Variants in LPIN1 observed in about 807,000 individuals in gnomAD.
LPIN1 encodes phosphatidate phosphatase LPIN1.
LPIN1 carries 71 observed loss-of-function variants against 107.5 expected under a neutral mutation model. The ratio of observed to expected loss-of-function variants is 0.66; its 90% confidence interval spans 0.55 to 0.80. The LOEUF is 0.80. LPIN1 is among the 30% of genes least tolerant of loss of function. LPIN1 has a pLI of 0.00. For synonymous variants in LPIN1, 445 were observed against 452.6 expected (o/e 0.98, Z 0.21); for missense variants, 1,043 against 1,160.6 (o/e 0.90, Z 1.47).
At chr2:11,706,644 G>A (rs1450856664) in intron 1 of LPIN1, among the ~76,000 whole-genome samples, 3 of 152,172 alleles carry the variant, frequency 2.0e-5, no homozygotes, top group South Asian at 2.1e-4. Context: ...TCAAGACCAA[G>A]CATTATTAAA....
At position 11,686,610 on chromosome 2, in the gene LPIN1, C is replaced by T. The variant is rs888493025; in HGVS notation, c.81+8882C>T. ...ACAGGAACAGGGTGGGTAGCCATGG[C>T]CTGGGCACCACGGGCAGAGCACACA... On this transcript the variant is annotated intron_variant, in intron 1 of 21. Coordinates refer to the LPIN1 transcript ENST00000449576. Among the ~76,000 whole-genome samples the T allele has an allele frequency of 3.3e-5, 5 of 152,188 alleles. No individual in the cohort carries two copies. The East Asian group carries it at 5.8e-4, about 18-fold the overall frequency.
At chr2:11,756,453 A>C (rs899930284) in intron 1 of LPIN1, among the ~76,000 whole-genome samples, 1 of 152,030 alleles carries the variant, frequency 6.6e-6, no homozygotes, top group Admixed American at 6.6e-5. Flanking sequence ...CAATGACGTG[A>C]TCTCAGCCCA....
At chr2:11,819,684 T>A (rs1388223292) in intron 19 of LPIN1, 86 bp downstream of exon 19, 1 of 979,484 alleles carries the variant, frequency 1.0e-6, no homozygotes, top group Non-Finnish European at 1.7e-6. Flanking sequence ...CCGAGAACCA[T>A]ATGTAGAGTC....
At chr2:11,815,983 T>C (rs924086597) in intron 18 of LPIN1, among the ~76,000 whole-genome samples, 1 of 152,200 alleles carries the variant, frequency 6.6e-6, no homozygotes, top group Non-Finnish European at 1.5e-5. Context: ...CCATAGGACA[T>C]TGGTCCCTGC....
rs756630845 is a variant in LPIN1, at chr2:11,824,720, A to G, written c.2710A>G (p.Ser904Gly). Residue 904 changes from serine (S) to glycine (G), a missense_variant, in exon 21 of 21, where the codon AGT (serine) becomes GGT (glycine). Ser to Gly is a moderately conservative substitution (Grantham distance 56). Transcript: ENST00000674199. ...AGACTTTCCCTGTTCGGATACCTTC[A>G]GTAACTTCACCTTTTGGAGAGAGCC... is the stretch of plus-strand genomic sequence containing the variant. ...SSDFPCSDTFSNFTFWREPLP... is the reference protein window; with the variant it reads ...SSDFPCSDTFGNFTFWREPLP... 2 of 1,614,212 alleles carry G rather than the reference A, an allele frequency of 1.2e-6. No homozygotes were observed. Among genetic ancestry groups the G allele is most frequent in the Admixed American group, 3.3e-5 (2 of 60,024 alleles).
At chr2:11,812,167 G>A (rs1679780702) in intron 17 of LPIN1, among the ~76,000 whole-genome samples, 1 of 152,128 alleles carries the variant, frequency 6.6e-6, no homozygotes, top group African/African-American at 2.4e-5. Context: ...AATATTCATG[G>A]TAGAACAATA....
intron 1 of LPIN1, among the ~76,000 whole-genome samples, chr2:11,728,373 T>A (rs917387846): frequency 2.6e-5 from 4 of 152,158 alleles, no homozygotes; most frequent in African/African-American, 9.7e-5. Flanking sequence ...TCCTCTATCT[T>A]ACTACTTGTT....
intron 1 of LPIN1, chr2:11,763,375 GGA>G (rs1192352905): frequency 3.3e-5 from 5 of 153,170 alleles, no homozygotes; most frequent in African/African-American, 1.2e-4. Context: ...CGGGCAGAGT[GGA>G]CAGTGATGTG....
At chr2:11,773,161 G>A (rs1672128026) in intron 4 of LPIN1, among the ~76,000 whole-genome samples, 1 of 152,190 alleles carries the variant, frequency 6.6e-6, no homozygotes, top group Non-Finnish European at 1.5e-5. Context: ...GGCATGTTTG[G>A]TTGATGCCAT....
chr2:11,795,655 A>T (rs541232172), intron 14 of LPIN1, among the ~76,000 whole-genome samples, 168 bp downstream of exon 14: 112 of 152,356 alleles, frequency 7.4e-4, no homozygotes, highest in African/African-American at 2.3e-3. Flanking sequence ...CATGAGCAAA[A>T]TGCATGCAGT....
At chr2:11,678,039 G>GTT (rs1226878043) in intron 1 of LPIN1, among the ~76,000 whole-genome samples, 1 of 152,210 alleles carries the variant, frequency 6.6e-6, no homozygotes, top group African/African-American at 2.4e-5. Flanking sequence ...TCAGAGCTTC[G>GTT]TGAGTGCCTC....
chr2:11,719,721 A>G (rs1663991908), upstream of LPIN1, among the ~76,000 whole-genome samples: 1 of 151,338 alleles, frequency 6.6e-6, no homozygotes, highest in East Asian at 1.9e-4. Flanking sequence ...GCTCTTACGC[A>G]GGTGCCCCTT....
rs1674181376 is a variant in LPIN1 at position 11,784,658 on chromosome 2, A to AGG, written c.1359-224_1359-223dup. On this transcript the variant is annotated intron_variant, in intron 9 of 20. Transcript: ENST00000674199. ...GCTTGCTTCTTCTTCAGTATATTTT[A>AGG]GGGGGATACAGGGAGATGCAGCCAG... is the stretch of plus-strand genomic sequence containing the variant. 3 of 611,540 alleles carry AGG rather than the reference A, an allele frequency of 4.9e-6. No homozygotes were observed. The South Asian group carries it at 5.6e-5, about 11-fold the overall frequency. The allele number at this position is 611,540 out of a possible 1,614,324, so 37.9% of individuals were successfully genotyped here.
At chr2:11,793,057 C>T (rs577136864) in intron 13 of LPIN1, among the ~76,000 whole-genome samples, 2 of 152,334 alleles carry the variant, frequency 1.3e-5, no homozygotes, top group Admixed American at 1.3e-4. Flanking sequence ...TCCACATCCA[C>T]TTATCAAGTA....
chr2:11,704,042 C>G (rs909750110), intron 1 of LPIN1, among the ~76,000 whole-genome samples: 1 of 152,210 alleles, frequency 6.6e-6, no homozygotes, highest in Non-Finnish European at 1.5e-5. Context: ...ATTCAGCACA[C>G]AAAGCCTCTC....
intron 2 of LPIN1, among the ~76,000 whole-genome samples, chr2:11,714,170 C>T (rs764213180): frequency 1.3e-5 from 2 of 152,214 alleles, no homozygotes; most frequent in Non-Finnish European, 2.9e-5. Flanking sequence ...CTTTACTGGA[C>T]GATCCTTACC....
At chr2:11,693,319 G>A (rs1283637094) in intron 1 of LPIN1, among the ~76,000 whole-genome samples, 2 of 151,748 alleles carry the variant, frequency 1.3e-5, no homozygotes, top group South Asian at 2.1e-4. Flanking sequence ...GCCAGGCTTG[G>A]GAAACACTGA....
In LPIN1 at chr2:11,773,726, G is replaced by C. The variant is rs1382134422; in HGVS notation, c.703G>C (p.Glu235Gln). ...AGCCTCATACCCTAATTCGGATAGAGAGTGGTCACCCACTCCCAGGTAAGC... is the reference window on the plus strand; with the variant it reads ...AGCCTCATACCCTAATTCGGATAGACAGTGGTCACCCACTCCCAGGTAAGC... The part of the protein sequence containing the change: ...QSASYPNSDR[E>Q]WSPTPSSLVD... Residue 235 changes from glutamate (E) to glutamine (Q), a missense_variant, in exon 5 of 21, where the codon GAG becomes CAG. Coordinates refer to ENST00000674199, the MANE Select transcript of LPIN1 (RefSeq NM_001349206.2). 2 of 1,613,964 alleles carry C rather than the reference G, an allele frequency of 1.2e-6. No individual in the cohort carries two copies. Among genetic ancestry groups the C allele is most frequent in the Non-Finnish European group, 1.7e-6 (2 of 1,180,016 alleles).
Position 11,825,199 on chromosome 2 carries a change from G to A in LPIN1, c.*408G>A, listed in dbSNP as rs1265190436. On this transcript the variant is annotated 3_prime_UTR_variant, in exon 21 of 21. Transcript: ENST00000674199. This position sits in a 1 kb window ranked among gnomAD's most constrained non-coding sequence, Gnocchi z 4.1. ...CAATCGAGGAATGCCAGATGTGCAC[G>A]GTTTTTGGCAAAGTAGGGGGCACAT... The A allele has an allele frequency of 2.4e-5, 6 of 250,394 alleles. No homozygotes were observed. The highest frequency in any genetic ancestry group is 4.7e-5 in the Non-Finnish European group (6 of 126,422). The allele number at this position is 250,394 out of a possible 1,614,324, so 15.5% of individuals were successfully genotyped here.
Sources: gnomAD v4.1 joint callset for allele counts (sites outside exome capture counted in the v4.1 genomes callset) on GRCh38, gnomAD v4.1.1 for gene constraint, Gnocchi (gnomAD v3.1) non-coding constraint, MANE v1.5 for transcripts, NCBI Gene and HGNC (gene_info 2026-07-23, HGNC 2026-07-21) for gene names.